PTBP3: variants seen among roughly 807,000 people sequenced by gnomAD.
The protein encoded by PTBP3 is polypyrimidine tract-binding protein 3.
PTBP3 carries 20 observed loss-of-function variants against 58.7 expected under a neutral mutation model. The observed-to-expected ratio is 0.34, with a 90% CI of 0.24 to 0.50. PTBP3 has a LOEUF of 0.50. PTBP3 is among the 20% of genes least tolerant of loss of function. The pLI is 0.98. For synonymous variants in PTBP3, 185 were observed against 219.8 expected (o/e 0.84, Z 1.40); for missense variants, 509 against 637.2 (o/e 0.80, Z 2.17).
At chr9:112,341,945 G>T in the PTBP3 span, among the ~76,000 whole-genome samples, 6 of 152,152 alleles carry the variant, frequency 3.9e-5, no homozygotes, top group Non-Finnish European at 8.8e-5. Flanking sequence ...AGCTGGTAAG[G>T]CATTATTTCT....
chr9:112,277,554 G>A (rs1035362228), intron 2 of PTBP3, among the ~76,000 whole-genome samples: 3 of 151,670 alleles, frequency 2.0e-5, no homozygotes, highest in Non-Finnish European at 2.9e-5. Context: ...TCATATCAAC[G>A]TTAACTAAAA....
intron 3 of PTBP3, among the ~76,000 whole-genome samples, chr9:112,268,712 C>CTAA (rs1491498907): frequency 1.1e-5 from 1 of 94,064 alleles, no homozygotes; most frequent in African/African-American, 3.7e-5. Context: ...GACACCGTCT[C>CTAA]AAAAAAAAAA....
intron 1 of PTBP3, among the ~76,000 whole-genome samples, chr9:112,326,935 T>C (rs1352695878): frequency 2.0e-5 from 3 of 152,182 alleles, no homozygotes; most frequent in Non-Finnish European, 2.9e-5. Flanking sequence ...ACAGCAATTA[T>C]GCTTGGGTGT....
chr9:112,323,676 G>A (rs1179451250), intron 1 of PTBP3, among the ~76,000 whole-genome samples: 2 of 152,192 alleles, frequency 1.3e-5, no homozygotes, highest in African/African-American at 2.4e-5. Flanking sequence ...GGCTGAGGAA[G>A]GAATCAATGA....
chr9:112,336,587 G>A (rs1830579455), upstream of PTBP3, among the ~76,000 whole-genome samples: 1 of 151,844 alleles, frequency 6.6e-6, no homozygotes, highest in African/African-American at 2.4e-5. Flanking sequence ...TGTGAGACCA[G>A]CCTGGGCAAC....
chr9:112,373,026 C>G, the PTBP3 span, among the ~76,000 whole-genome samples: 2 of 20,428 alleles, frequency 9.8e-5, no homozygotes, highest in African/African-American at 4.2e-4. Flanking sequence ...TTCCAAGTAG[C>G]TGGGACTACA....
At chr9:112,351,606 T>C in the PTBP3 span, among the ~76,000 whole-genome samples, 1 of 152,336 alleles carries the variant, frequency 6.6e-6, no homozygotes, top group East Asian at 1.9e-4. Flanking sequence ...CATAAATTAT[T>C]TAGAATTCTT....
chr9:112,277,943 TAATATAAC>T (rs1564427616), intron 2 of PTBP3, among the ~76,000 whole-genome samples: 2,227 of 104,248 alleles, frequency 0.021, 22 homozygotes, highest in African/African-American at 0.045. Context: ...TAACATAACA[TAATATAAC>T]ATAACATAAC....
At chr9:112,372,291 C>T in the PTBP3 span, among the ~76,000 whole-genome samples, 10 of 152,106 alleles carry the variant, frequency 6.6e-5, no homozygotes, top group Non-Finnish European at 1.3e-4. Context: ...TGTTGCCAGG[C>T]TGGTCTTGAA....
intron 1 of PTBP3, among the ~76,000 whole-genome samples, chr9:112,314,617 C>A (rs896464497): frequency 6.6e-6 from 1 of 151,994 alleles, no homozygotes; most frequent in African/African-American, 2.4e-5. Flanking sequence ...ATCCCTTAAG[C>A]CTAGAAGAGA....
intron 7 of PTBP3, among the ~76,000 whole-genome samples, chr9:112,238,639 A>T (rs186741573): frequency 6.6e-6 from 1 of 152,302 alleles, no homozygotes; most frequent in Admixed American, 6.5e-5. Flanking sequence ...ACACAAAAGA[A>T]AAAGGACACC....
chr9:112,308,231 T>C (rs1829314330), intron 1 of PTBP3, among the ~76,000 whole-genome samples: 1 of 152,050 alleles, frequency 6.6e-6, no homozygotes. Context: ...CTCACTTCGT[T>C]GTCCAGGCTG....
chr9:112,326,884 C>T (rs1830177662), intron 1 of PTBP3, among the ~76,000 whole-genome samples: 1 of 152,110 alleles, frequency 6.6e-6, no homozygotes, highest in South Asian at 2.1e-4. Context: ...CACTCATTAT[C>T]ATCTAGTTGG....
At chr9:112,234,156 T>C (rs1835357572) in intron 8 of PTBP3, among the ~76,000 whole-genome samples, 1 of 152,186 alleles carries the variant, frequency 6.6e-6, no homozygotes, top group Non-Finnish European at 1.5e-5. Context: ...GATAAAACCA[T>C]AAAGTAACAT....
chr9:112,266,932 T>C (rs577991490), intron 4 of PTBP3, among the ~76,000 whole-genome samples: 56 of 152,344 alleles, frequency 3.7e-4, no homozygotes, highest in South Asian at 1.4e-3. Context: ...CATCTAATAT[T>C]GTATTTATTG....
intron 2 of PTBP3, among the ~76,000 whole-genome samples, chr9:112,290,200 TAAAGAG>T (rs1362168787): frequency 6.6e-6 from 1 of 151,966 alleles, no homozygotes; most frequent in African/African-American, 2.4e-5. Context: ...AAAAACAAGT[TAAAGAG>T]AAAAAGCAAA....
At chr9:112,320,143 G>A (rs960557673) in intron 1 of PTBP3, among the ~76,000 whole-genome samples, 1 of 151,496 alleles carries the variant, frequency 6.6e-6, no homozygotes, top group African/African-American at 2.4e-5. Context: ...TGGGCATGGT[G>A]GCATGCACCC....
intron 8 of PTBP3, 30 bp downstream of exon 8, chr9:112,234,790 G>A: frequency 6.4e-7 from 1 of 1,568,490 alleles, no homozygotes; most frequent in East Asian, 2.2e-5. Context: ...TTCATTAAAA[G>A]TCATTTCAAA....
intron 6 of PTBP3, chr9:112,252,337 T>C (rs1289678835): frequency 2.4e-5 from 7 of 288,360 alleles, no homozygotes; most frequent in Non-Finnish European, 4.6e-5. Context: ...GGTTAGTACT[T>C]GGATGGGAGA....
Sources: allele counts gnomAD v4.1 joint callset (sites outside exome capture counted in the v4.1 genomes callset), GRCh38; gene constraint gnomAD v4.1.1; transcripts MANE v1.5; gene names NCBI Gene and HGNC (gene_info 2026-07-23, HGNC 2026-07-21).